Variants in TRIO observed in about 807,000 individuals in gnomAD.
TRIO encodes triple functional domain protein.
Under a neutral mutation model 351.9 loss-of-function variants are expected in TRIO, and 58 were observed. The ratio of observed to expected loss-of-function variants is 0.16; its 90% CI spans 0.13 to 0.21. TRIO has a LOEUF of 0.21. Among genes scored for constraint, TRIO ranks in the 10% least tolerant of loss-of-function variants. The pLI is 1.00. For synonymous variants in TRIO, 1,758 were observed against 1,595.7 expected, an observed-to-expected ratio of 1.10 and a Z score of -2.42; for missense variants, 3,201 against 4,027.8, an observed-to-expected ratio of 0.79 and a Z score of 5.56.
rs1162914120 is a variant in TRIO at position 14,399,189 on chromosome 5, A to G, written c.4614+119A>G. ...CCTCCCAATCTGTCCTGAAATGTTC[A>G]AGTCTGAATTGTGGTAGGGTTTTCA... On this transcript the variant is annotated intron_variant, in intron 30 of 56. Transcript: ENST00000344204. 1.2e-5 allele frequency: 12 copies of G among 972,904 alleles called. No individual in the cohort carries two copies. In the East Asian group the frequency reaches 2.8e-4, roughly 22 times the overall value. 60.3% of individuals were successfully genotyped at this position (972,904 alleles called of 1,614,324 possible).
intron 1 of TRIO, among the ~76,000 whole-genome samples, chr5:14,207,114 G>C (rs1791503864): frequency 6.6e-6 from 1 of 152,106 alleles, no homozygotes; most frequent in South Asian, 2.1e-4. Flanking sequence ...TTTATATTCA[G>C]TTTTGCTTTT....
Position 14,487,642 on chromosome 5 carries a change from C to A in TRIO, c.7014C>A (p.Pro2338=). The A allele has an allele frequency of 7.9e-7, 1 of 1,263,556 alleles. No individual in the cohort carries two copies. Among genetic ancestry groups the A allele is most frequent in the Non-Finnish European group, 1.0e-6 (1 of 993,672 alleles). The allele number at this position is 1,263,556 out of a possible 1,614,324, so 78.3% of individuals were successfully genotyped here. ...CCCCCAGCACGAGCAGGAGCCGGCC[C>A]TCCCGGATCCCCCAGCCTGTCCGAC... is the stretch of plus-strand genomic sequence containing the variant. ...GGAPSTSRSR[P]SRIPQPVRHH... Residue 2338 remains proline (P), a synonymous_variant, in exon 48 of 57, where the codon CCC becomes CCA. Transcript: ENST00000344204.
At chr5:14,296,408 G>A (rs1737367525) in intron 6 of TRIO, among the ~76,000 whole-genome samples, 1 of 152,106 alleles carries the variant, frequency 6.6e-6, no homozygotes, top group Non-Finnish European at 1.5e-5. Flanking sequence ...AAAAAGGGTG[G>A]GTTTTTAAAA....
Position 14,300,141 on chromosome 5 carries a change from C to T in TRIO, c.1368+2878C>T, listed in dbSNP as rs117662843. ...TACTGGTAGATGTTGCTTAGGGGCT[C>T]CAGCCTTCGCTTGTCTTGGTCATGT... On this transcript the variant is annotated intron_variant, in intron 7 of 56. Coordinates refer to ENST00000344204, the MANE Select transcript of TRIO (RefSeq NM_007118.4). Among the ~76,000 whole-genome samples, 53 of 152,358 alleles carry T rather than the reference C, an allele frequency of 3.5e-4. No individual in the cohort carries two copies. The East Asian group carries it at 9.8e-3, about 28-fold the overall frequency.
chr5:14,381,631 T>C (rs530222514), intron 21 of TRIO, among the ~76,000 whole-genome samples: 17 of 152,332 alleles, frequency 1.1e-4, no homozygotes, highest in Non-Finnish European at 1.9e-4. Flanking sequence ...TGGGGTGTTT[T>C]CTTTCCTACA....
At chr5:14,165,876 G>A (rs941925592) in intron 1 of TRIO, among the ~76,000 whole-genome samples, 3 of 152,194 alleles carry the variant, frequency 2.0e-5, no homozygotes, top group Non-Finnish European at 4.4e-5. Flanking sequence ...ATCCTGGGAT[G>A]GTAGGTGGCC....
At chr5:14,222,722 A>C (rs1286785964) in intron 1 of TRIO, among the ~76,000 whole-genome samples, 1 of 152,168 alleles carries the variant, frequency 6.6e-6, no homozygotes, top group Non-Finnish European at 1.5e-5. Context: ...TGAAGTTTTA[A>C]ACCTTGTAAC....
intron 10 of TRIO, among the ~76,000 whole-genome samples, chr5:14,335,134 G>C (rs1329077412): frequency 6.6e-6 from 1 of 152,186 alleles, no homozygotes; most frequent in Non-Finnish European, 1.5e-5. Context: ...GTTCACTCAA[G>C]TTTTCTCCTT....
intron 4 of TRIO, among the ~76,000 whole-genome samples, chr5:14,290,241 C>G (rs1736790351): frequency 6.6e-6 from 1 of 152,136 alleles, no homozygotes; most frequent in African/African-American, 2.4e-5. Flanking sequence ...TTTTGATGCC[C>G]TTGAGCAAGA....
chr5:14,239,104 A>G (rs1007700936), intron 1 of TRIO, among the ~76,000 whole-genome samples: 1 of 152,168 alleles, frequency 6.6e-6, no homozygotes. Flanking sequence ...TGTTTTTTAT[A>G]TGTAGTCAAC....
At chr5:14,181,153 A>G (rs1479819501) in intron 1 of TRIO, among the ~76,000 whole-genome samples, 2 of 142,648 alleles carry the variant, frequency 1.4e-5, no homozygotes, top group Non-Finnish European at 3.1e-5. Flanking sequence ...TGTAGGACAT[A>G]CAGCTAACAC....
At chr5:14,308,677 C>CCATT (rs1738613860) in intron 8 of TRIO, among the ~76,000 whole-genome samples, 1 of 116,352 alleles carries the variant, frequency 8.6e-6, no homozygotes, top group African/African-American at 5.5e-5. Flanking sequence ...ATCCATCCAT[C>CCATT]CATCCATTCA....
chr5:14,439,966 G>A (rs1014280858), intron 34 of TRIO, among the ~76,000 whole-genome samples: 2 of 152,086 alleles, frequency 1.3e-5, no homozygotes, highest in Non-Finnish European at 2.9e-5. Flanking sequence ...CTGTTTTCAC[G>A]TTCTTTTTCC....
Position 14,280,493 on chromosome 5 carries a change from G to T in TRIO, c.347+57G>T. On this transcript the variant is annotated intron_variant, in intron 3 of 56. Transcript: ENST00000344204. ...ATGTCACATTTACAAGAGATGTGGCGCTATACTCGTTAGAAATCAGCTAAA... is the reference window on the plus strand; with the variant it reads ...ATGTCACATTTACAAGAGATGTGGCTCTATACTCGTTAGAAATCAGCTAAA... The T allele has an allele frequency of 4.2e-6, 6 of 1,440,904 alleles. No homozygotes were observed. The South Asian group carries it at 5.8e-5, about 14-fold the overall frequency. The allele number at this position is 1,440,904 out of a possible 1,614,324, so 89.3% of individuals were successfully genotyped here.
rs1158873852 is a variant in TRIO, at chr5:14,366,447, T to C, written c.2755-413T>C. ...AAAAAGAGTTCGTGAAATAAATTAG[T>C]TCCCCCTTTTCAAGCATTTGCCAAT... On this transcript the variant is annotated intron_variant, in intron 15 of 56. Transcript: ENST00000344204. Among the ~76,000 whole-genome samples, 3 of 152,266 alleles carry C rather than the reference T, an allele frequency of 2.0e-5. No homozygotes were observed. The East Asian group carries it at 5.8e-4, about 29-fold the overall frequency.
chr5:14,343,548 A>G (rs1469377163), intron 11 of TRIO, among the ~76,000 whole-genome samples: 1 of 152,176 alleles, frequency 6.6e-6, no homozygotes, highest in Non-Finnish European at 1.5e-5. Context: ...AACTCAGCAC[A>G]ATTCCTTTGA....
intron 10 of TRIO, among the ~76,000 whole-genome samples, chr5:14,334,080 T>C (rs1419311772): frequency 6.6e-6 from 1 of 152,216 alleles, no homozygotes; most frequent in Non-Finnish European, 1.5e-5. Flanking sequence ...ACTGACTTGG[T>C]GGACAAGTTA....
At chr5:14,361,450 C>G (rs556952126) in intron 13 of TRIO, among the ~76,000 whole-genome samples, 5 of 152,288 alleles carry the variant, frequency 3.3e-5, no homozygotes, top group African/African-American at 1.2e-4. Flanking sequence ...GGTTCAGAAG[C>G]TGTTAGAAGA....
rs544966689 is a variant in TRIO at position 14,507,877 on chromosome 5, C to T, written c.8752-3C>T. 2.5e-6 allele frequency: 4 copies of T among 1,610,324 alleles called. No homozygotes were observed. The highest frequency in any genetic ancestry group is 3.4e-6 in the Non-Finnish European group (4 of 1,177,918). On this transcript the variant is annotated splice_region_variant and splice_polypyrimidine_tract_variant and intron_variant, in intron 56 of 56. Transcript: ENST00000344204. The stretch of plus-strand genomic sequence containing the variant: ...AAAATGACAGTTGTATTCTGATTTC[C>T]AGCCTGAGAATATCCTGGTGGATGA...
Sources: allele counts gnomAD v4.1 joint callset (sites outside exome capture counted in the v4.1 genomes callset), GRCh38; gene constraint gnomAD v4.1.1; transcripts MANE v1.5; gene names NCBI Gene and HGNC (gene_info 2026-07-23, HGNC 2026-07-21).